FN3KRP: variants seen among roughly 807,000 people sequenced by gnomAD.
FN3KRP encodes ketosamine-3-kinase.
FN3KRP carries 33 observed loss-of-function variants against 29.8 expected under a neutral mutation model. The ratio of observed to expected loss-of-function variants is 1.11; its 90% CI spans 0.84 to 1.48. The LOEUF is 1.48. Among genes scored for constraint, FN3KRP ranks in the 40% most tolerant of loss-of-function variants. FN3KRP has a pLI of 0.00. For synonymous variants in FN3KRP, 157 were observed against 155.2 expected (o/e 1.01, Z -0.09); for missense variants, 430 against 402.6 (o/e 1.07, Z -0.58).
chr17:82,723,637 ACGTGTGTGCATGTGTGTACG>A (rs2046816501), intron 4 of FN3KRP, among the ~76,000 whole-genome samples: 1 of 151,974 alleles, frequency 6.6e-6, no homozygotes, highest in Admixed American at 6.6e-5. Context: ...ATGTGTGCAC[ACGTGTGTGCATGTGTGTACG>A]CGTGTGCGCG....
Position 82,716,843 on chromosome 17 carries a change from A to G in FN3KRP, c.88A>G (p.Ser30Gly). The G allele has an allele frequency of 6.4e-7, 1 of 1,561,092 alleles. No homozygotes were observed. The highest frequency in any genetic ancestry group is 8.6e-7 in the Non-Finnish European group (1 of 1,158,548). The change falls in exon 1 of 6, where the codon AGC (serine) becomes GGC (glycine). Residue 30 changes from serine (S) to glycine (G), a missense_variant. Ser to Gly is a moderately conservative substitution (Grantham distance 56). Transcript: ENST00000269373. ...GGGCGGGTGCATCAGCCAGGGCCGG[A>G]GCTACGACACGGATCAAGGACGAGT... ...SGGGCISQGR[S>G]YDTDQGRVFV...
At chr17:82,724,969 C>T (rs542559981) in intron 4 of FN3KRP, among the ~76,000 whole-genome samples, 3,931 of 31,980 alleles carry the variant, frequency 0.12, 107 homozygotes, top group African/African-American at 0.25. Context: ...TCACCATGCC[C>T]GGCTAATTTT....
At chr17:82,717,068 G>T (rs957672752) in intron 1 of FN3KRP, among the ~76,000 whole-genome samples, 172 bp downstream of exon 1, 2 of 152,164 alleles carry the variant, frequency 1.3e-5, no homozygotes, top group African/African-American at 4.8e-5. Flanking sequence ...AGCGGTGAAC[G>T]GGGGCGGCGG....
At position 82,727,687 on chromosome 17, in the gene FN3KRP, C is replaced by A. The variant is rs995486165; in HGVS notation, c.*516C>A. The stretch of plus-strand genomic sequence containing the variant: ...TAAAATGACCAATTCCAGAATCAAG[C>A]GTATTCCGTTTTCTTCCTGCATGAT... On this transcript the variant is annotated 3_prime_UTR_variant, in exon 6 of 6. Transcript: ENST00000269373. 1 of 152,536 alleles carries A rather than the reference C, an allele frequency of 6.6e-6. No individual in the cohort carries two copies. Among genetic ancestry groups the A allele is most frequent in the Non-Finnish European group, 1.5e-5 (1 of 68,882 alleles). 9.4% of individuals were successfully genotyped at this position (152,536 alleles called of 1,614,324 possible).
chr17:82,722,324 A>G (rs1017097262), intron 3 of FN3KRP, among the ~76,000 whole-genome samples: 12 of 151,804 alleles, frequency 7.9e-5, no homozygotes, highest in African/African-American at 2.7e-4. Context: ...CAGTAGAGAC[A>G]GGGTTTCACC....
chr17:82,725,143 T>C (rs752923040), intron 4 of FN3KRP, among the ~76,000 whole-genome samples: 1 of 152,010 alleles, frequency 6.6e-6, no homozygotes, highest in Non-Finnish European at 1.5e-5. Flanking sequence ...ATTTTAATTT[T>C]AAAAGATAGA....
chr17:82,720,563 A>G (rs1258699060), intron 3 of FN3KRP, among the ~76,000 whole-genome samples, 200 bp downstream of exon 3: 1 of 152,200 alleles, frequency 6.6e-6, no homozygotes, highest in African/African-American at 2.4e-5. Flanking sequence ...TCCTAAATGC[A>G]TTTGAAAGAT....
intron 1 of FN3KRP, 123 bp downstream of exon 1, chr17:82,717,019 C>T (rs989037049): frequency 1.1e-5 from 13 of 1,182,752 alleles, no homozygotes; most frequent in Middle Eastern, 2.8e-4. Context: ...CCCGGGACTG[C>T]CGCCGCCGCC....
At chr17:82,726,652 C>A (rs774037142) in intron 5 of FN3KRP, 50 bp downstream of exon 5, 3 of 1,577,166 alleles carry the variant, frequency 1.9e-6, no homozygotes, top group Non-Finnish European at 2.6e-6. Context: ...ACCCCACTTG[C>A]CTGAGGTAGG....
At position 82,727,068 on chromosome 17, in the gene FN3KRP, G is replaced by T; in HGVS notation, c.827G>T (p.Arg276Leu). 2 of 1,614,104 alleles carry T rather than the reference G, an allele frequency of 1.2e-6. No homozygotes were observed. The highest frequency in any genetic ancestry group is 1.7e-6 in the Non-Finnish European group (2 of 1,180,020). Reference sequence around the variant, plus strand: ...CCCAAGGCCCCAGGATTCGAGAAGCGCCTTCAGTTGTATCAGCTCTTTCAC... The same window carrying T: ...CCCAAGGCCCCAGGATTCGAGAAGCTCCTTCAGTTGTATCAGCTCTTTCAC... ...KIPKAPGFEK[R>L]LQLYQLFHYL... The change falls in exon 6 of 6, where the codon CGC becomes CTC. Residue 276 changes from arginine to leucine, a missense_variant. Coordinates refer to ENST00000269373, the MANE Select transcript of FN3KRP (RefSeq NM_024619.4).
Position 82,722,037 on chromosome 17 carries a change from T to C in FN3KRP, c.386-767T>C, listed in dbSNP as rs151335818. The stretch of plus-strand genomic sequence containing the variant: ...GTAGTAGAGATGGGGTTTCTCCATG[T>C]TGGTCAGGCTGGTCTCAAATTCCCG... On this transcript the variant is annotated intron_variant, in intron 3 of 5. Transcript: ENST00000269373. 9.7e-4 allele frequency among the ~76,000 whole-genome samples: 147 copies of C among 151,736 alleles called. 1 individual carries two copies. The East Asian group carries it at 0.026, about 27-fold the overall frequency.
At chr17:82,722,737 T>G (rs556085540) in intron 3 of FN3KRP, 67 bp from the exon 4 acceptor site, 4 of 1,510,206 alleles carry the variant, frequency 2.6e-6, no homozygotes, top group Admixed American at 3.4e-5. Flanking sequence ...TGAAGGTGAC[T>G]CAGTTTCGAG....
intron 1 of FN3KRP, 74 bp from the exon 2 acceptor site, chr17:82,718,832 A>G: frequency 6.5e-7 from 1 of 1,528,196 alleles, no homozygotes; most frequent in Non-Finnish European, 8.9e-7. Flanking sequence ...GCTAGAGGAA[A>G]ACATATCTAC....
Position 82,716,727 on chromosome 17 carries a change from CG to C in FN3KRP, c.-25del. The C allele has an allele frequency of 6.8e-7, 1 of 1,473,240 alleles. No homozygotes were observed. The highest frequency in any genetic ancestry group is 8.9e-7 in the Non-Finnish European group (1 of 1,119,816). The allele number at this position is 1,473,240 out of a possible 1,614,324, so 91.3% of individuals were successfully genotyped here. ...CCGTCTCTCGAGTCTCCGCCAGATC[CG>C]GGGCGGGTCCGCGGCCGCGGCGGGA... On this transcript the variant is annotated 5_prime_UTR_variant, in exon 1 of 6. Coordinates refer to ENST00000269373, the MANE Select transcript of FN3KRP (RefSeq NM_024619.4).
rs956231553 is a variant in FN3KRP at position 82,727,269 on chromosome 17, T to G, written c.*98T>G. The G allele has an allele frequency of 1.9e-6, 2 of 1,041,772 alleles. No individual in the cohort carries two copies. The highest frequency in any genetic ancestry group is 2.4e-5 in the East Asian group (1 of 41,846). 64.5% of individuals were successfully genotyped at this position (1,041,772 alleles called of 1,614,324 possible). A position where few individuals can be genotyped will look rare whatever the true frequency, so the allele number is the denominator to read the frequency against. ...ACATGCTGGACTAGCTTAAGACCAA[T>G]GCAGTAGCTTATTTCCAAGCCTTGC... On this transcript the variant is annotated 3_prime_UTR_variant, in exon 6 of 6. Transcript: ENST00000269373.
chr17:82,718,332 C>A, intron 1 of FN3KRP: 1 of 872,104 alleles, frequency 1.1e-6, no homozygotes, highest in Non-Finnish European at 1.4e-6. Context: ...GCCAGGGGGA[C>A]CCAAGGGAGG....
chr17:82,718,635 C>T, intron 1 of FN3KRP: 1 of 1,212,870 alleles, frequency 8.2e-7, no homozygotes, highest in Non-Finnish European at 1.0e-6. Flanking sequence ...CTTCGATTTT[C>T]CTCTCTCCAG....
Position 82,720,097 on chromosome 17 carries a change from C to T in FN3KRP, c.294-175C>T, listed in dbSNP as rs536153766. ...AGGAGAATCGCTTGAACCTGGGAGG[C>T]GGAGCTTGCAGTGAGCCGAGATCGT... On this transcript the variant is annotated intron_variant, in intron 2 of 5. Transcript: ENST00000269373. Among the ~76,000 whole-genome samples the T allele has an allele frequency of 2.6e-5, 4 of 152,264 alleles. No individual in the cohort carries two copies. In the South Asian group the frequency reaches 6.2e-4, roughly 24 times the overall value.
In FN3KRP at chr17:82,718,898, T is replaced by A; in HGVS notation, c.142-8T>A. 1 of 1,611,778 alleles carries A rather than the reference T, an allele frequency of 6.2e-7. No homozygotes were observed. The highest frequency in any genetic ancestry group is 8.5e-7 in the Non-Finnish European group (1 of 1,178,038). ...GTATTTCCACTTCCTCTCGTATTTT[T>A]CTGACAGGCCAGAAGAATGTTTGAA... is the stretch of plus-strand genomic sequence containing the variant. On this transcript the variant is annotated splice_region_variant and splice_polypyrimidine_tract_variant and intron_variant, in intron 1 of 5. Transcript: ENST00000269373.
Sources: gnomAD v4.1 joint callset for allele counts (sites outside exome capture counted in the v4.1 genomes callset) on GRCh38, gnomAD v4.1.1 for gene constraint, MANE v1.5 for transcripts, NCBI Gene and HGNC (gene_info 2026-07-23, HGNC 2026-07-21) for gene names.